MYOM2: variants seen among roughly 807,000 people sequenced by gnomAD.
MYOM2 encodes myomesin-2.
A neutral mutation model predicts 187.6 loss-of-function variants in MYOM2; 254 were observed. That is an observed-to-expected ratio of 1.35 (90% CI 1.22 to 1.50). MYOM2 has a LOEUF of 1.50. Ranked by LOEUF, MYOM2 falls within the 40% of genes most tolerant of loss-of-function variation. The probability of loss-of-function intolerance (pLI) is 0.00; values close to 1 mark genes in which losing one functional copy is unlikely to be tolerated. For synonymous variants in MYOM2, 981 were observed against 753.8 expected, an observed-to-expected ratio of 1.30 and a Z score of -4.94; for missense variants, 2,796 against 1,924.0, an observed-to-expected ratio of 1.45 and a Z score of -8.48.
chr8:2,078,841 T>C lies in MYOM2; in HGVS notation c.1370T>C (p.Val457Ala). Residue 457 changes from valine to alanine, a missense_variant, in exon 12 of 37, where the codon GTG becomes GCG. Transcript: ENST00000262113. ...GAAGGAAGGTCTTACATATTCCGAG[T>C]GAGGGCAGTGAACAGTGCGGGCATC... ...LFEGRSYIFR[V>A]RAVNSAGISR... 6.2e-7 allele frequency: 1 copy of C among 1,614,098 alleles called. No homozygotes were observed. The highest frequency in any genetic ancestry group is 8.5e-7 in the Non-Finnish European group (1 of 1,179,990).
chr8:2,082,720 T>C (rs1216118617), intron 13 of MYOM2, among the ~76,000 whole-genome samples: 3 of 152,244 alleles, frequency 2.0e-5, no homozygotes, highest in Non-Finnish European at 4.4e-5. Context: ...TCTACTGTTC[T>C]ACTGTGTTAT....
chr8:2,129,139 C>T lies in MYOM2; in HGVS notation c.3707C>T (p.Ser1236Leu), dbSNP rs200671811. 1.9e-4 allele frequency: 302 copies of T among 1,603,282 alleles called. 1 individual carries two copies. The highest frequency in any genetic ancestry group is 5.8e-4 in the East Asian group (26 of 44,612). ...AMSRVCGKSA[S>L]PLKVLCTPEG... ...TTATTTTCTGCAGGGAAATCTGCTT[C>T]GCCACTGAAGGTACTCTGCACCCCA... The change falls in exon 32 of 37, where the codon TCG (serine) becomes TTG (leucine). Residue 1236 changes from serine to leucine, a missense_variant. By Grantham distance (145) the Ser-to-Leu change is moderately radical. Transcript: ENST00000262113.
chr8:2,131,590 A>G (rs1241257027), intron 32 of MYOM2, among the ~76,000 whole-genome samples: 5 of 151,166 alleles, frequency 3.3e-5, no homozygotes, highest in Non-Finnish European at 5.9e-5. Context: ...CATTATTTCT[A>G]TGTTTTATCT....
chr8:2,051,459 T>C (rs1818483666), intron 2 of MYOM2, among the ~76,000 whole-genome samples: 1 of 152,064 alleles, frequency 6.6e-6, no homozygotes, highest in East Asian at 1.9e-4. Flanking sequence ...AATGGGCTGA[T>C]TGGAAGGCTG....
At chr8:2,133,687 C>T (rs972105250) in intron 32 of MYOM2, among the ~76,000 whole-genome samples, 2 of 152,198 alleles carry the variant, frequency 1.3e-5, no homozygotes, top group East Asian at 3.8e-4. Context: ...TCTCGAACTC[C>T]TGACCTCAGG....
At chr8:2,128,690 G>T (rs926073989) in intron 31 of MYOM2, among the ~76,000 whole-genome samples, 1 of 152,110 alleles carries the variant, frequency 6.6e-6, no homozygotes, top group African/African-American at 2.4e-5. Context: ...TGAAGAACCA[G>T]CCGAGGTGCT....
At chr8:2,130,860 A>G (rs571892070) in intron 32 of MYOM2, among the ~76,000 whole-genome samples, 1 of 152,344 alleles carries the variant, frequency 6.6e-6, no homozygotes, top group Admixed American at 6.5e-5. Context: ...TTGTGGGACA[A>G]TGAGTAAATC....
chr8:2,049,031 TCCACCCG>T (rs1818398700), intron 1 of MYOM2, among the ~76,000 whole-genome samples: 1 of 152,118 alleles, frequency 6.6e-6, no homozygotes, highest in South Asian at 2.1e-4. Context: ...GACCTCGTGA[TCCACCCG>T]CCTTGGCCTC....
At chr8:2,144,626 C>G in intron 36 of MYOM2, 38 bp from the exon 37 acceptor site, 1 of 1,603,372 alleles carries the variant, frequency 6.2e-7, no homozygotes, top group Non-Finnish European at 8.5e-7. Flanking sequence ...TTTCCTTTTT[C>G]TAACTCTTCC....
At chr8:2,057,274 C>A (rs541546118) in intron 3 of MYOM2, 74 bp from the exon 4 acceptor site, 3 of 1,522,674 alleles carry the variant, frequency 2.0e-6, no homozygotes, top group Non-Finnish European at 2.6e-6. Context: ...ATGGGCATGC[C>A]CTTTCCGGCC....
chr8:2,085,233 C>T (rs772285477), intron 13 of MYOM2, 30 bp from the exon 14 acceptor site: 8 of 1,610,822 alleles, frequency 5.0e-6, no homozygotes, highest in Admixed American at 3.3e-5. Flanking sequence ...GGGGGTCCTT[C>T]AGCACTCACC....
chr8:2,081,597 T>C lies in MYOM2; in HGVS notation c.1516+1984T>C, dbSNP rs548227726. Among the ~76,000 whole-genome samples the C allele has an allele frequency of 7.2e-5, 11 of 152,326 alleles. No individual in the cohort carries two copies. The South Asian group carries it at 1.7e-3, about 23-fold the overall frequency. Reference sequence around the variant, plus strand: ...TAACTTGCTTTATAAATGTCACTTATCTGTGATGAAATTTGCCTTCTGTAA... The same window carrying C: ...TAACTTGCTTTATAAATGTCACTTACCTGTGATGAAATTTGCCTTCTGTAA... On this transcript the variant is annotated intron_variant, in intron 13 of 36. Coordinates refer to ENST00000262113, the MANE Select transcript of MYOM2 (RefSeq NM_003970.4).
intron 31 of MYOM2, among the ~76,000 whole-genome samples, chr8:2,126,183 C>T (rs62478457): frequency 2.0e-5 from 3 of 152,008 alleles, no homozygotes; most frequent in Admixed American, 6.5e-5. Context: ...AGAGATGCAG[C>T]GGCTGAGGGG....
At chr8:2,114,421 G>C (rs73169413) in intron 25 of MYOM2, among the ~76,000 whole-genome samples, 1 of 152,200 alleles carries the variant, frequency 6.6e-6, no homozygotes, top group East Asian at 1.9e-4. Flanking sequence ...AGGGGGAACT[G>C]TGTGGGCAAA....
intron 15 of MYOM2, among the ~76,000 whole-genome samples, chr8:2,090,679 C>A (rs1041141466): frequency 3.3e-5 from 5 of 152,140 alleles, no homozygotes; most frequent in Non-Finnish European, 7.3e-5. Context: ...TCCATGTGTT[C>A]TCATCATTTA....
intron 14 of MYOM2, 39 bp from the exon 15 acceptor site, chr8:2,089,969 G>A (rs371277906): frequency 2.3e-5 from 37 of 1,605,730 alleles, no homozygotes; most frequent in Non-Finnish European, 2.7e-5. Context: ...GGGACCTCGC[G>A]GTTTTCACTG....
intron 6 of MYOM2, among the ~76,000 whole-genome samples, chr8:2,067,738 T>A (rs1360528552): frequency 8.7e-6 from 1 of 114,636 alleles, no homozygotes; most frequent in Admixed American, 1.1e-4. Context: ...TGGCTATTCC[T>A]AAGTCATGTT....
At chr8:2,068,685 C>A (rs1437380001) in intron 6 of MYOM2, among the ~76,000 whole-genome samples, 1 of 152,248 alleles carries the variant, frequency 6.6e-6, no homozygotes, top group East Asian at 1.9e-4. Flanking sequence ...GCTCCCGGAC[C>A]ACCTTAGAAC....
intron 31 of MYOM2, chr8:2,128,018 C>A (rs1797716886): frequency 6.6e-6 from 1 of 152,000 alleles, no homozygotes; most frequent in South Asian, 2.1e-4. Context: ...TTGTTTTTTT[C>A]CCCCACATAT....
Sources: allele counts gnomAD v4.1 joint callset (sites outside exome capture counted in the v4.1 genomes callset), GRCh38; gene constraint gnomAD v4.1.1; transcripts MANE v1.5; gene names NCBI Gene and HGNC (gene_info 2026-07-23, HGNC 2026-07-21).